The following CSMD1 variants were observed in gnomAD, a reference collection of about 807,000 sequenced individuals.
CSMD1 encodes CUB and Sushi multiple domains 1.
A neutral mutation model predicts 417.5 loss-of-function variants in CSMD1; 213 were observed. That is an observed-to-expected ratio of 0.51 (90% confidence interval 0.46 to 0.57). CSMD1 has a LOEUF of 0.57. Among genes scored for constraint, CSMD1 ranks in the 20% least tolerant of loss-of-function variants. The pLI, the probability that CSMD1 is intolerant of heterozygous loss-of-function variation, is 0.00. For synonymous variants in CSMD1, 2,862 were observed against 1,736.8 expected (o/e 1.65, Z -16.11); for missense variants, 6,923 against 4,529.7 (o/e 1.53, Z -15.17).
intron 4 of CSMD1, among the ~76,000 whole-genome samples, chr8:4,015,267 C>T (rs930885253): frequency 1.3e-5 from 2 of 152,136 alleles, no homozygotes; most frequent in African/African-American, 4.8e-5. Context: ...GATAAAAACA[C>T]AGCTGTGTTT....
chr8:3,709,571 G>T (rs1043651944), intron 6 of CSMD1, among the ~76,000 whole-genome samples: 1 of 151,878 alleles, frequency 6.6e-6, no homozygotes, highest in African/African-American at 2.4e-5. Flanking sequence ...TCCCCAGTGT[G>T]GGTGGGCCTG....
At chr8:4,170,307 A>G (rs151012843) in intron 3 of CSMD1, among the ~76,000 whole-genome samples, 3 of 152,046 alleles carry the variant, frequency 2.0e-5, no homozygotes, top group East Asian at 3.9e-4. Context: ...TTGCGTCTCA[A>G]TGATATAAAA....
intron 2 of CSMD1, among the ~76,000 whole-genome samples, chr8:4,538,824 G>A (rs1404185779): frequency 6.6e-6 from 1 of 152,078 alleles, no homozygotes; most frequent in Non-Finnish European, 1.5e-5. Context: ...ACTTGTTTTG[G>A]GTCACAAAGC....
intron 5 of CSMD1, among the ~76,000 whole-genome samples, chr8:3,806,923 T>C (rs1306963662): frequency 6.6e-6 from 1 of 152,154 alleles, no homozygotes; most frequent in Admixed American, 6.5e-5. Context: ...GTGAGGTACT[T>C]ATTCTAATTG....
At chr8:3,660,087 C>A (rs755237480) in intron 7 of CSMD1, among the ~76,000 whole-genome samples, 8 of 152,192 alleles carry the variant, frequency 5.3e-5, no homozygotes, top group Non-Finnish European at 1.0e-4. Flanking sequence ...AAATAAGGTA[C>A]CATCGTGATG....
At chr8:2,960,292 C>G (rs1439796354) in intron 62 of CSMD1, among the ~76,000 whole-genome samples, 3 of 152,138 alleles carry the variant, frequency 2.0e-5, no homozygotes, top group Non-Finnish European at 2.9e-5. Flanking sequence ...AAGGACTTCC[C>G]CTGTGGGATG....
At chr8:4,837,353 C>G (rs1800555937) in intron 1 of CSMD1, among the ~76,000 whole-genome samples, 1 of 152,068 alleles carries the variant, frequency 6.6e-6, no homozygotes, top group Admixed American at 6.6e-5. Context: ...ACCTAAGTGT[C>G]CATCAACAGA....
At chr8:3,841,524 G>A (rs998091674) in intron 5 of CSMD1, among the ~76,000 whole-genome samples, 1 of 151,992 alleles carries the variant, frequency 6.6e-6, no homozygotes, top group Non-Finnish European at 1.5e-5. Context: ...GATGTCTAGG[G>A]ACTTGTAAAA....
chr8:3,972,232 AG>A (rs1207281794), intron 5 of CSMD1, among the ~76,000 whole-genome samples: 1 of 152,190 alleles, frequency 6.6e-6, no homozygotes, highest in African/African-American at 2.4e-5. Context: ...GAAAAAAAAA[AG>A]AACTTCAATT....
intron 2 of CSMD1, among the ~76,000 whole-genome samples, chr8:4,450,425 A>G (rs558459844): frequency 6.6e-6 from 1 of 152,274 alleles, no homozygotes; most frequent in South Asian, 2.1e-4. Flanking sequence ...CAAGAAATGG[A>G]GACCATCTTG....
chr8:3,837,059 G>A (rs1366192402), intron 5 of CSMD1, among the ~76,000 whole-genome samples: 1 of 151,346 alleles, frequency 6.6e-6, no homozygotes, highest in East Asian at 2.0e-4. Flanking sequence ...GCCCATGGGT[G>A]ATTTTCAACA....
intron 5 of CSMD1, among the ~76,000 whole-genome samples, chr8:3,865,838 C>T (rs760328033): frequency 6.6e-4 from 100 of 152,226 alleles, no homozygotes; most frequent in Admixed American, 1.4e-3. Context: ...CACATTGCTC[C>T]ATTTGAGCTG....
At chr8:3,295,812 C>G (rs1803920410) in intron 25 of CSMD1, among the ~76,000 whole-genome samples, 1 of 152,148 alleles carries the variant, frequency 6.6e-6, no homozygotes, top group Non-Finnish European at 1.5e-5. Context: ...ATTACTTTCC[C>G]TGATCACTCA....
At chr8:3,829,908 A>G (rs988387850) in intron 5 of CSMD1, among the ~76,000 whole-genome samples, 1 of 152,182 alleles carries the variant, frequency 6.6e-6, no homozygotes, top group Non-Finnish European at 1.5e-5. Context: ...ATCTATTGGG[A>G]AAATGAAGGC....
chr8:3,810,403 T>G (rs1408272419), intron 5 of CSMD1, among the ~76,000 whole-genome samples: 2 of 152,114 alleles, frequency 1.3e-5, no homozygotes, highest in East Asian at 1.9e-4. Flanking sequence ...CAGGGAGAGC[T>G]AAGTCCAAGT....
chr8:3,636,763 G>C (rs753112657), intron 7 of CSMD1, among the ~76,000 whole-genome samples: 40 of 152,172 alleles, frequency 2.6e-4, no homozygotes, highest in Non-Finnish European at 4.9e-4. Context: ...GTAAGGCAGA[G>C]AGGTTCTCCT....
chr8:4,015,801 G>C (rs775364879), intron 4 of CSMD1, among the ~76,000 whole-genome samples: 1 of 152,112 alleles, frequency 6.6e-6, no homozygotes, highest in Non-Finnish European at 1.5e-5. Flanking sequence ...AAAAACAAGG[G>C]TGAAACTTCA....
intron 7 of CSMD1, among the ~76,000 whole-genome samples, chr8:3,677,332 C>T (rs545806288): frequency 7.2e-5 from 11 of 152,132 alleles, no homozygotes; most frequent in Admixed American, 1.3e-4. Flanking sequence ...ACCATCTATA[C>T]CTTTTAAAAG....
At chr8:4,254,003 G>GA (rs1429123862) in intron 3 of CSMD1, among the ~76,000 whole-genome samples, 3 of 134,106 alleles carry the variant, frequency 2.2e-5, no homozygotes, top group Non-Finnish European at 4.6e-5. Flanking sequence ...TGCAAGCTCT[G>GA]CCTCCAGGGT....
Sources: allele counts gnomAD v4.1 joint callset (sites outside exome capture counted in the v4.1 genomes callset), GRCh38; gene constraint gnomAD v4.1.1; transcripts MANE v1.5; gene names NCBI Gene and HGNC (gene_info 2026-07-23, HGNC 2026-07-21).